OR6N1: variants seen among roughly 807,000 people sequenced by gnomAD.
OR6N1 encodes olfactory receptor 6N1.
For missense variants in OR6N1, 394 were observed against 371.7 expected, an observed-to-expected ratio of 1.06 and a Z score of -0.49; for synonymous variants, 170 against 150.7, an observed-to-expected ratio of 1.13 and a Z score of -0.94.
upstream of OR6N1, among the ~76,000 whole-genome samples, chr1:158,772,696 C>T (rs1241135239): frequency 6.6e-6 from 1 of 152,216 alleles, no homozygotes. Flanking sequence ...GCAGTCTCCT[C>T]TCTACTCTAG....
At chr1:158,778,653 G>A in the OR6N1 span, among the ~76,000 whole-genome samples, 3 of 152,114 alleles carry the variant, frequency 2.0e-5, no homozygotes, top group Non-Finnish European at 2.9e-5. Flanking sequence ...GGAGATGAAG[G>A]TGTGAATTTG....
chr1:158,778,399 A>G, the OR6N1 span, among the ~76,000 whole-genome samples: 1 of 152,226 alleles, frequency 6.6e-6, no homozygotes, highest in Non-Finnish European at 1.5e-5. Flanking sequence ...ATCTGGGATC[A>G]GCTGTGTAAA....
At chr1:158,772,377 C>T (rs903378007), upstream of OR6N1, among the ~76,000 whole-genome samples, 1 of 152,136 alleles carries the variant, frequency 6.6e-6, no homozygotes, top group African/African-American at 2.4e-5. Context: ...TCCTTCATTA[C>T]CTATTAGTTA....
At chr1:158,837,768 T>A in the OR6N1 span, among the ~76,000 whole-genome samples, 1 of 151,990 alleles carries the variant, frequency 6.6e-6, no homozygotes, top group Non-Finnish European at 1.5e-5. Context: ...CCATTTTTTA[T>A]TTGTTTTCTG....
At chr1:158,769,072 G>A (rs1039351493) in intron 1 of OR6N1, among the ~76,000 whole-genome samples, 1 of 152,110 alleles carries the variant, frequency 6.6e-6, no homozygotes, top group Non-Finnish European at 1.5e-5. Flanking sequence ...AATCTATTAA[G>A]ATAACTGCTA....
In OR6N1 at chr1:158,765,699, C is replaced by A. The variant is rs1253090757; in HGVS notation, c.*45G>T. The A allele has an allele frequency of 1.4e-5, 21 of 1,483,228 alleles. No homozygotes were observed. Among genetic ancestry groups the A allele is most frequent in the Non-Finnish European group, 1.9e-5 (20 of 1,076,864 alleles). 91.9% of individuals were successfully genotyped at this position (1,483,228 alleles called of 1,614,324 possible). A position where few individuals can be genotyped will look rare whatever the true frequency, so the allele number is the denominator to read the frequency against. On this transcript the variant is annotated 3_prime_UTR_variant, in exon 2 of 2. Transcript: ENST00000641846. The stretch of plus-strand genomic sequence containing the variant: ...CTCTGGCCACTGTTGATCCCTGGGG[C>A]CACCATATCCTCAGGCCCGGCCTTG...
At chr1:158,837,078 C>T in the OR6N1 span, among the ~76,000 whole-genome samples, 24 of 151,796 alleles carry the variant, frequency 1.6e-4, no homozygotes, top group African/African-American at 5.3e-4. Flanking sequence ...TGATTTCAAA[C>T]GTTTAACATT....
At chr1:158,796,017 G>T in the OR6N1 span, 1 of 152,278 alleles carries the variant, frequency 6.6e-6, no homozygotes. Flanking sequence ...AAGTAAAAGT[G>T]TGGTCACCAT....
At chr1:158,826,654 A>G in the OR6N1 span, among the ~76,000 whole-genome samples, 2 of 152,226 alleles carry the variant, frequency 1.3e-5, no homozygotes, top group Non-Finnish European at 2.9e-5. Flanking sequence ...GAGGCACCCA[A>G]AGGTGACCTG....
At chr1:158,811,834 G>A in the OR6N1 span, among the ~76,000 whole-genome samples, 3 of 152,134 alleles carry the variant, frequency 2.0e-5, no homozygotes, top group African/African-American at 7.2e-5. Context: ...TGAGAGGGCT[G>A]GAATTATTTA....
chr1:158,787,994 G>A, the OR6N1 span, among the ~76,000 whole-genome samples: 1 of 152,170 alleles, frequency 6.6e-6, no homozygotes, highest in African/African-American at 2.4e-5. Context: ...CCTGGTAAGG[G>A]CAGTGATCAC....
the OR6N1 span, among the ~76,000 whole-genome samples, chr1:158,812,227 A>G: frequency 6.6e-6 from 1 of 152,230 alleles, no homozygotes. Context: ...TCAGAAAGCA[A>G]TCAGTGTGAT....
chr1:158,769,145 TCATAGAACA>T (rs1174808929), intron 1 of OR6N1, among the ~76,000 whole-genome samples: 1 of 152,028 alleles, frequency 6.6e-6, no homozygotes, highest in Non-Finnish European at 1.5e-5. Context: ...CAGGAAAATT[TCATAGAACA>T]CATAATTTAT....
chr1:158,782,494 T>C, the OR6N1 span, among the ~76,000 whole-genome samples: 1 of 152,240 alleles, frequency 6.6e-6, no homozygotes, highest in African/African-American at 2.4e-5. Context: ...CTCACTGCAA[T>C]GTGGGTGATC....
the OR6N1 span, among the ~76,000 whole-genome samples, chr1:158,806,625 G>A: frequency 6.6e-6 from 1 of 152,168 alleles, no homozygotes; most frequent in East Asian, 1.9e-4. Context: ...ATTCTGGTAT[G>A]CTGAGACTAA....
At chr1:158,792,321 A>G in the OR6N1 span, among the ~76,000 whole-genome samples, 1 of 152,150 alleles carries the variant, frequency 6.6e-6, no homozygotes, top group Non-Finnish European at 1.5e-5. Flanking sequence ...GAAAGCAGAT[A>G]TGTGATTTGT....
At chr1:158,770,643 C>T (rs979743600) in intron 1 of OR6N1, among the ~76,000 whole-genome samples, 2 of 150,780 alleles carry the variant, frequency 1.3e-5, no homozygotes, top group Non-Finnish European at 3.0e-5. Context: ...TCCAACAGCT[C>T]ATAAAAAGAA....
chr1:158,767,739 C>T (rs1263068180), intron 1 of OR6N1, among the ~76,000 whole-genome samples: 1 of 152,180 alleles, frequency 6.6e-6, no homozygotes, highest in Non-Finnish European at 1.5e-5. Context: ...TTTCTCTTTA[C>T]TCATCCCACA....
the OR6N1 span, among the ~76,000 whole-genome samples, chr1:158,812,196 C>T: frequency 5.3e-4 from 81 of 152,222 alleles, no homozygotes; most frequent in Non-Finnish European, 9.6e-4. Context: ...GGCAGTAAAA[C>T]TGATGGCTGC....
Sources: gnomAD v4.1 joint callset for allele counts (sites outside exome capture counted in the v4.1 genomes callset) on GRCh38, gnomAD v4.1.1 for gene constraint, MANE v1.5 for transcripts, NCBI Gene and HGNC (gene_info 2026-07-23, HGNC 2026-07-21) for gene names.